The following LGALS3BP variants were observed in gnomAD, a reference collection of about 807,000 sequenced individuals.
LGALS3BP encodes the protein galectin 3 binding protein.
LGALS3BP carries 25 observed loss-of-function variants against 22.9 expected under a neutral mutation model. That is an observed-to-expected ratio of 1.09 (90% CI 0.80 to 1.53). The LOEUF (loss-of-function observed/expected upper bound fraction) is 1.53. Ranked by LOEUF, LGALS3BP falls within the 40% of genes most tolerant of loss-of-function variation. The pLI is 0.00. For synonymous variants in LGALS3BP, 335 were observed against 331.1 expected, an observed-to-expected ratio of 1.01 and a Z score of -0.13; for missense variants, 718 against 752.0, an observed-to-expected ratio of 0.95 and a Z score of 0.53.
rs776935073 is a variant in LGALS3BP at position 78,974,792 on chromosome 17, AC to A, written c.271del (p.Val91SerfsTer19). On this transcript the variant is annotated frameshift_variant, in exon 4 of 6. Coordinates refer to ENST00000262776, the MANE Select transcript of LGALS3BP (RefSeq NM_005567.4). LOFTEE classifies it high-confidence loss of function. ...TGAGGCCTCGGTTCCCGTGCACTGGACCTCATCCAGCATGATGGGGCCTGAT... is the reference window on the plus strand; with the variant it reads ...TGAGGCCTCGGTTCCCGTGCACTGGACTCATCCAGCATGATGGGGCCTGAT... Reference protein sequence around the residue: ...QGSGPIMLDEVQCTGTEASLA... With the variant: ...QGSGPIMLDEXQCTGTEASLA... 1 of 1,613,728 alleles carries A rather than the reference AC, an allele frequency of 6.2e-7. No homozygotes were observed. The highest frequency in any genetic ancestry group is 1.1e-5 in the South Asian group (1 of 91,074).
Position 78,976,865 on chromosome 17 carries a change from T to C in LGALS3BP, c.52+275A>G, listed in dbSNP as rs2070725053. 3 of 493,356 alleles carry C rather than the reference T, an allele frequency of 6.1e-6. No individual in the cohort carries two copies. Among genetic ancestry groups the C allele is most frequent in the Non-Finnish European group, 7.3e-6 (2 of 274,108 alleles). The allele number at this position is 493,356 out of a possible 1,614,324, so 30.6% of individuals were successfully genotyped here. On this transcript the variant is annotated intron_variant, in intron 2 of 5. Coordinates refer to ENST00000262776, the MANE Select transcript of LGALS3BP (RefSeq NM_005567.4). This position sits in a 1 kb window ranked among gnomAD's most constrained non-coding sequence, Gnocchi z 4.6. Reference sequence around the variant, plus strand: ...ACCTCACAACGGCCCCTGTGACTGCTGGTTTGATCAGCCCCTCTGGTTCCC... The same window carrying C: ...ACCTCACAACGGCCCCTGTGACTGCCGGTTTGATCAGCCCCTCTGGTTCCC...
At position 78,973,099 on chromosome 17, in the gene LGALS3BP, A is replaced by G. The variant is rs1555657591; in HGVS notation, c.500T>C (p.Leu167Pro). ...ISVNVQGEDA[L>P]GFCGHTVILT... ...GATGACCGTGTGGCCACAGAAGCCC[A>G]GGGCGTCCTCGCCCTGCACATTCAC... Residue 167 changes from leucine (L) to proline (P), a missense_variant, in exon 5 of 6, where the codon CTG becomes CCG. By Grantham distance (98) the Leu-to-Pro change is moderately conservative. Transcript: ENST00000262776. The surrounding 1 kb of genome is among the most constrained non-coding windows in gnomAD (Gnocchi z 5.8). 1.2e-6 allele frequency: 2 copies of G among 1,613,710 alleles called. No individual in the cohort carries two copies. The highest frequency in any genetic ancestry group is 8.5e-7 in the Non-Finnish European group (1 of 1,179,976).
Position 78,977,040 on chromosome 17 carries a change from C to G in LGALS3BP, c.52+100G>C, listed in dbSNP as rs753897503. On this transcript the variant is annotated intron_variant, in intron 2 of 5. Transcript: ENST00000262776. ...GAAGATCTGGCTAACCGCTGGGCCC[C>G]GGGCCCCAGGCAGAATATCTCCTTG... The G allele has an allele frequency of 2.3e-6, 3 of 1,291,786 alleles. No individual in the cohort carries two copies. In the South Asian group the frequency reaches 3.6e-5, roughly 16 times the overall value. 80.0% of individuals were successfully genotyped at this position (1,291,786 alleles called of 1,614,324 possible).
rs1404390050 is a variant in LGALS3BP, at chr17:78,971,666, G to A, written c.1668C>T (p.Thr556=). 6 of 1,613,730 alleles carry A rather than the reference G, an allele frequency of 3.7e-6. No individual in the cohort carries two copies. Among genetic ancestry groups the A allele is most frequent in the South Asian group, 1.1e-5 (1 of 91,088 alleles). ...GCCCTGCCGGGCAGGGGAAGGAGGAGGTGCTCTTCGAGCTGTTGGTGTCCA... is the reference window on the plus strand; with the variant it reads ...GCCCTGCCGGGCAGGGGAAGGAGGAAGTGCTCTTCGAGCTGTTGGTGTCCA... ...SALDTNSSKS[T]SSFPCPAGHF... The change falls in exon 6 of 6, where the codon ACC becomes ACT. Residue 556 remains threonine (T), a synonymous_variant. Coordinates refer to ENST00000262776, the MANE Select transcript of LGALS3BP (RefSeq NM_005567.4). This position sits in a 1 kb window ranked among gnomAD's most constrained non-coding sequence, Gnocchi z 5.6.
Position 78,972,938 on chromosome 17 carries a change from C to T in LGALS3BP, c.629+32G>A, listed in dbSNP as rs371627907. 139 of 1,577,170 alleles carry T rather than the reference C, an allele frequency of 8.8e-5. No individual in the cohort carries two copies. In the African/African-American group the frequency reaches 1.3e-3, roughly 14 times the overall value. ...GAGGGGAGGAGGACAAAGCCCCTGG[C>T]GGCCCCAGAGCCTGAGGACGAGACG... On this transcript the variant is annotated intron_variant, in intron 5 of 5. Coordinates refer to ENST00000262776, the MANE Select transcript of LGALS3BP (RefSeq NM_005567.4). This position sits in a 1 kb window ranked among gnomAD's most constrained non-coding sequence, Gnocchi z 5.1.
chr17:78,972,065 C>T lies in LGALS3BP; in HGVS notation c.1269G>A (p.Trp423Ter). The T allele has an allele frequency of 6.2e-7, 1 of 1,613,944 alleles. No individual in the cohort carries two copies. Among genetic ancestry groups the T allele is most frequent in the Non-Finnish European group, 8.5e-7 (1 of 1,179,930 alleles). ...AGACCAGTTGTGACTTCCGTGCACT[C>T]CAGGAACTGTCTGTCACAAAGGCAC... ...TWSAFVTDSSWSARKSQLVYQ... is the reference protein window; with the variant it reads ...TWSAFVTDSS The change falls in exon 6 of 6, where the codon TGG becomes TGA. Residue 423 changes from tryptophan to a stop codon, truncating the protein, a stop_gained. Transcript: ENST00000262776. LOFTEE classifies it low-confidence loss of function (END_TRUNC). This position sits in a 1 kb window ranked among gnomAD's most constrained non-coding sequence, Gnocchi z 5.1.
rs763234696 is a variant in LGALS3BP at position 78,976,403 on chromosome 17, A to G, written c.53-247T>C. Among the ~76,000 whole-genome samples the G allele has an allele frequency of 2.0e-5, 3 of 152,188 alleles. No homozygotes were observed. Among genetic ancestry groups the G allele is most frequent in the Non-Finnish European group, 4.4e-5 (3 of 68,028 alleles). On this transcript the variant is annotated intron_variant, in intron 2 of 5. Coordinates refer to ENST00000262776, the MANE Select transcript of LGALS3BP (RefSeq NM_005567.4). The surrounding 1 kb of genome is among the most constrained non-coding windows in gnomAD (Gnocchi z 4.6). ...TAGGGGTCTCAGCCCTTCACTCCAT[A>G]GACAGAACAGGGGCAGAGAAGCCCT...
Position 78,977,384 on chromosome 17 carries a change from C to A in LGALS3BP, c.-23-170G>T, listed in dbSNP as rs1473027078. The A allele has an allele frequency of 8.3e-6, 5 of 603,528 alleles. No homozygotes were observed. The East Asian group carries it at 8.6e-5, about 10-fold the overall frequency. The allele number at this position is 603,528 out of a possible 1,614,324, so 37.4% of individuals were successfully genotyped here. Reference sequence around the variant, plus strand: ...GTAAGTGTGACGTGTGCTGTGGATGCCCCCGCGGGGGCCCCTCACCTGGTC... The same window carrying A: ...GTAAGTGTGACGTGTGCTGTGGATGACCCCGCGGGGGCCCCTCACCTGGTC... On this transcript the variant is annotated intron_variant, in intron 1 of 5. Transcript: ENST00000262776.
chr17:78,975,946 A>G lies in LGALS3BP; in HGVS notation c.244+19T>C. 1 of 1,578,774 alleles carries G rather than the reference A, an allele frequency of 6.3e-7. No homozygotes were observed. The highest frequency in any genetic ancestry group is 1.2e-5 in the South Asian group (1 of 85,480). ...TGCTGTGGGTCTCAGCCTCAGTGGA[A>G]GGGGACAGCAGGCCCTACCTTGCCC... On this transcript the variant is annotated intron_variant, in intron 3 of 5. Coordinates refer to ENST00000262776, the MANE Select transcript of LGALS3BP (RefSeq NM_005567.4).
intron 1 of LGALS3BP, among the ~76,000 whole-genome samples, chr17:78,979,189 C>T (rs893260461): frequency 1.3e-5 from 2 of 152,202 alleles, no homozygotes; most frequent in Admixed American, 6.5e-5. Flanking sequence ...TTGGCCCCTT[C>T]GTGCAAATCA....
rs780884315 is a variant in LGALS3BP at position 78,971,587 on chromosome 17, C to A, written c.1747G>T (p.Gly583Cys). ...IRPFYLTNSSGVD is the reference protein window; with the variant it reads ...IRPFYLTNSSCVD ...TTGGGCCACGCCGTCTAGTCCACAC[C>A]TGAGGAGTTGGTCAGGTAGAAGGGG... The change falls in exon 6 of 6, where the codon GGT becomes TGT. Residue 583 changes from glycine (G) to cysteine (C), a missense_variant. Coordinates refer to ENST00000262776, the MANE Select transcript of LGALS3BP (RefSeq NM_005567.4). The surrounding 1 kb of genome is among the most constrained non-coding windows in gnomAD (Gnocchi z 5.6). The A allele has an allele frequency of 6.2e-6, 10 of 1,612,998 alleles. No individual in the cohort carries two copies. The East Asian group carries it at 2.0e-4, about 32-fold the overall frequency.
rs936709792 is a variant in LGALS3BP, at chr17:78,976,740, C to A, written c.52+400G>T. ...GGGGTACATCTGGCTTCCATGGGGC[C>A]CCCAGGATGAGCATGAGCTTCCAGG... On this transcript the variant is annotated intron_variant, in intron 2 of 5. Coordinates refer to ENST00000262776, the MANE Select transcript of LGALS3BP (RefSeq NM_005567.4). This position sits in a 1 kb window ranked among gnomAD's most constrained non-coding sequence, Gnocchi z 4.6. 4.2e-5 allele frequency: 9 copies of A among 212,020 alleles called. No individual in the cohort carries two copies. The highest frequency in any genetic ancestry group is 6.7e-5 in the Non-Finnish European group (7 of 103,978). 13.1% of individuals were successfully genotyped at this position (212,020 alleles called of 1,614,324 possible). A position where few individuals can be genotyped will look rare whatever the true frequency, so the allele number is the denominator to read the frequency against.
In LGALS3BP at chr17:78,972,485, C is replaced by T; in HGVS notation, c.849G>A (p.Leu283=). 4 of 1,613,366 alleles carry T rather than the reference C, an allele frequency of 2.5e-6. No individual in the cohort carries two copies. The highest frequency in any genetic ancestry group is 3.4e-6 in the Non-Finnish European group (4 of 1,179,962). ...GCGTCAAGGCCTCGAAGTTCCAGGC[C>T]AGGAACTGTAGGCAGAGCTTCTCCA... ...ALLEKLCLQF[L]AWNFEALTQA... is the part of the protein sequence containing the mutation. The change falls in exon 6 of 6, where the codon CTG becomes CTA. Residue 283 remains leucine, a synonymous_variant. Transcript: ENST00000262776. This position sits in a 1 kb window ranked among gnomAD's most constrained non-coding sequence, Gnocchi z 5.1.
At position 78,973,228 on chromosome 17, in the gene LGALS3BP, A is replaced by G; in HGVS notation, c.377-6T>C. The G allele has an allele frequency of 6.6e-7, 1 of 1,520,986 alleles. No individual in the cohort carries two copies. The highest frequency in any genetic ancestry group is 8.8e-7 in the Non-Finnish European group (1 of 1,132,334). The allele number at this position is 1,520,986 out of a possible 1,614,324, so 94.2% of individuals were successfully genotyped here. A position where few individuals can be genotyped will look rare whatever the true frequency, so the allele number is the denominator to read the frequency against. ...GGTGTGGGTGCTCCTGGTTTCTAAG[A>G]AGGGGCGGGAGGGAAGTGGGCTGCG... On this transcript the variant is annotated splice_region_variant and splice_polypyrimidine_tract_variant and intron_variant, in intron 4 of 5. Coordinates refer to ENST00000262776, the MANE Select transcript of LGALS3BP (RefSeq NM_005567.4). The surrounding 1 kb of genome is among the most constrained non-coding windows in gnomAD (Gnocchi z 5.8).
chr17:78,977,765 G>A (rs944335685), intron 1 of LGALS3BP, among the ~76,000 whole-genome samples: 10 of 152,216 alleles, frequency 6.6e-5, no homozygotes, highest in Non-Finnish European at 1.5e-4. Context: ...TCCGGGCGAG[G>A]GGTGACAGAG....
intron 1 of LGALS3BP, among the ~76,000 whole-genome samples, chr17:78,979,075 G>A (rs868489328): frequency 0.14 from 1,328 of 9,674 alleles, 12 homozygotes; most frequent in African/African-American, 0.26. Flanking sequence ...AAAAAAAAAG[G>A]GGGGGGGGCA....
chr17:78,978,347 T>G (rs2070737827), intron 1 of LGALS3BP, among the ~76,000 whole-genome samples: 1 of 152,230 alleles, frequency 6.6e-6, no homozygotes, highest in Admixed American at 6.5e-5. Flanking sequence ...TCGTGCTCGC[T>G]GGCACTGTGC....
intron 3 of LGALS3BP, among the ~76,000 whole-genome samples, chr17:78,975,560 C>T (rs942401967): frequency 1.9e-4 from 29 of 152,116 alleles, no homozygotes; most frequent in Admixed American, 4.6e-4. Context: ...GAGGCTGAGG[C>T]GGGCGGATCA....
In LGALS3BP at chr17:78,972,933, C is replaced by T. The variant is rs1307404979; in HGVS notation, c.629+37G>A. On this transcript the variant is annotated intron_variant, in intron 5 of 5. Transcript: ENST00000262776. The surrounding 1 kb of genome is among the most constrained non-coding windows in gnomAD (Gnocchi z 5.1). ...TTGAAGAGGGGAGGAGGACAAAGCCCCTGGCGGCCCCAGAGCCTGAGGACG... is the reference window on the plus strand; with the variant it reads ...TTGAAGAGGGGAGGAGGACAAAGCCTCTGGCGGCCCCAGAGCCTGAGGACG... The T allele has an allele frequency of 1.3e-6, 2 of 1,574,670 alleles. No homozygotes were observed. Among genetic ancestry groups the T allele is most frequent in the Non-Finnish European group, 1.7e-6 (2 of 1,157,758 alleles).
Sources: allele counts gnomAD v4.1 joint callset (sites outside exome capture counted in the v4.1 genomes callset), GRCh38; gene constraint gnomAD v4.1.1; non-coding constraint Gnocchi (gnomAD v3.1); transcripts MANE v1.5; gene names NCBI Gene and HGNC (gene_info 2026-07-23, HGNC 2026-07-21).